Variants in SPINK5 observed in about 807,000 individuals in gnomAD.
The protein encoded by SPINK5 is serine peptidase inhibitor Kazal type 5.
In SPINK5, 125 loss-of-function variants were observed where a neutral mutation model predicts 151.8. The observed-to-expected ratio is 0.82, with a 90% CI of 0.71 to 0.96. The LOEUF is 0.96. Ranked by LOEUF, SPINK5 falls within the 40% of genes least tolerant of loss-of-function variation. SPINK5 has a pLI of 0.00. For missense variants in SPINK5, 1,194 were observed against 1,291.9 expected, an observed-to-expected ratio of 0.92 and a Z score of 1.16; for synonymous variants, 374 against 395.3, an observed-to-expected ratio of 0.95 and a Z score of 0.64.
chr5:148,065,545 T>TCACACA (rs3036741), intron 2 of SPINK5, 173 bp downstream of exon 2: 5 of 608,340 alleles, frequency 8.2e-6, no homozygotes, highest in African/African-American at 5.5e-5. Context: ...AGCCTCTCTC[T>TCACACA]CACACACACA....
In SPINK5 at chr5:148,103,328, G is replaced by A. The variant is rs115915040; in HGVS notation, c.1430+1420G>A. 5.5e-3 allele frequency among the ~76,000 whole-genome samples: 834 copies of A among 152,028 alleles called. 8 individuals carry two copies. Among genetic ancestry groups the A allele is most frequent in the African/African-American group, 0.019 (799 of 41,484 alleles). ...AAGGCCCAGAACAGTTGAGAATGAC[G>A]GAAAAGTCAGGACAGGATATGGGAC... On this transcript the variant is annotated intron_variant, in intron 15 of 32. Transcript: ENST00000256084.
intron 21 of SPINK5, among the ~76,000 whole-genome samples, chr5:148,114,786 T>G (rs1161458823): frequency 6.6e-6 from 1 of 152,238 alleles, no homozygotes; most frequent in African/African-American, 2.4e-5. Flanking sequence ...ATCCTTTCTC[T>G]GGATTATCTC....
chr5:148,133,964 A>G, intron 32 of SPINK5, 77 bp downstream of exon 32: 1 of 1,448,880 alleles, frequency 6.9e-7, no homozygotes. Flanking sequence ...TCTTCCACTG[A>G]GTAATGGACA....
At chr5:148,100,377 G>A in intron 12 of SPINK5, 77 bp from the exon 13 acceptor site, 2 of 1,442,754 alleles carry the variant, frequency 1.4e-6, no homozygotes, top group Non-Finnish European at 9.7e-7. Flanking sequence ...ATTAGTTTCT[G>A]CCAATGTAGA....
intron 27 of SPINK5, among the ~76,000 whole-genome samples, chr5:148,124,413 G>C (rs1236331009): frequency 6.6e-6 from 1 of 152,022 alleles, no homozygotes; most frequent in African/African-American, 2.4e-5. Context: ...TTGTGAGTTT[G>C]GTTATAATTT....
chr5:148,070,330 G>T lies in SPINK5; in HGVS notation c.89G>T (p.Cys30Phe). ...AASKNEDQEM[C>F]HEFQAFMKNG... ...TTTTTGGCATTATCTTAGGAAATGT[G>T]CCATGAATTTCAGGCATTTATGAAA... Residue 30 changes from cysteine to phenylalanine, a missense_variant, in exon 3 of 33, where the codon TGC (cysteine) becomes TTC (phenylalanine). Coordinates refer to ENST00000256084, the MANE Select transcript of SPINK5 (RefSeq NM_006846.4). The T allele has an allele frequency of 1.2e-6, 2 of 1,612,196 alleles. No homozygotes were observed. The highest frequency in any genetic ancestry group is 1.7e-6 in the Non-Finnish European group (2 of 1,178,968).
intron 4 of SPINK5, among the ~76,000 whole-genome samples, chr5:148,073,011 A>G (rs1017503430): frequency 2.0e-5 from 3 of 151,950 alleles, no homozygotes; most frequent in African/African-American, 7.2e-5. Flanking sequence ...AATTATAAAA[A>G]TAAAATTTAA....
intron 24 of SPINK5, 40 bp downstream of exon 24, chr5:148,119,098 G>A: frequency 6.3e-7 from 1 of 1,585,902 alleles, no homozygotes. Context: ...TCGTCTTTCT[G>A]TGAGTCAGCA....
intron 11 of SPINK5, among the ~76,000 whole-genome samples, chr5:148,098,851 T>C (rs182327452): frequency 1.3e-5 from 2 of 152,192 alleles, no homozygotes; most frequent in African/African-American, 4.8e-5. Flanking sequence ...CTTCTCTGAT[T>C]AACAAGGGGA....
chr5:148,086,935 TATG>T (rs1319466024), intron 5 of SPINK5, among the ~76,000 whole-genome samples: 12 of 121,954 alleles, frequency 9.8e-5, no homozygotes, highest in Non-Finnish European at 1.7e-4. Flanking sequence ...TTATAGATTA[TATG>T]ATTATCATAT....
At chr5:148,090,063 T>C (rs1447979715) in intron 7 of SPINK5, among the ~76,000 whole-genome samples, 2 of 151,836 alleles carry the variant, frequency 1.3e-5, no homozygotes, top group Non-Finnish European at 2.9e-5. Flanking sequence ...TGAATCTATT[T>C]ATTAGCTTAA....
intron 20 of SPINK5, 108 bp from the exon 21 acceptor site, chr5:148,114,254 A>G: frequency 7.7e-7 from 1 of 1,302,658 alleles, no homozygotes; most frequent in Non-Finnish European, 1.0e-6. Flanking sequence ...AAAAATTCTC[A>G]GGTCATTTTC....
At chr5:148,099,348 G>A (rs946693299) in intron 12 of SPINK5, 33 bp downstream of exon 12, 1 of 1,597,174 alleles carries the variant, frequency 6.3e-7, no homozygotes, top group Non-Finnish European at 8.6e-7. Context: ...ATCCTATTTG[G>A]TGCTATAATT....
intron 18 of SPINK5, 137 bp downstream of exon 18, chr5:148,108,974 A>G: frequency 7.0e-7 from 1 of 1,428,604 alleles, no homozygotes; most frequent in Non-Finnish European, 9.7e-7. Context: ...ATCCCCATAT[A>G]CAAGAGTACT....
intron 22 of SPINK5, 63 bp from the exon 23 acceptor site, chr5:148,118,374 C>A: frequency 6.2e-7 from 1 of 1,609,274 alleles, no homozygotes; most frequent in South Asian, 1.1e-5. Context: ...ACTGTTAAAA[C>A]AATTTACTAA....
chr5:148,109,476 C>T (rs2113149532), intron 18 of SPINK5, among the ~76,000 whole-genome samples: 1 of 150,080 alleles, frequency 6.7e-6, no homozygotes, highest in East Asian at 1.9e-4. Context: ...ACATATAATA[C>T]AATTATATAC....
At chr5:148,133,672 C>G in intron 31 of SPINK5, 125 bp from the exon 32 acceptor site, 1 of 852,874 alleles carries the variant, frequency 1.2e-6, no homozygotes, top group Non-Finnish European at 1.9e-6. Flanking sequence ...GAATGCAGAT[C>G]CCAGATCCTC....
In SPINK5 at chr5:148,112,721, G is replaced by C. The variant is rs180904190; in HGVS notation, c.1821-147G>C. On this transcript the variant is annotated intron_variant, in intron 19 of 32. Transcript: ENST00000256084. ...ACAAAAGGACAAGAACAATGATGTA[G>C]AGAGATGTGTGTTTACCTTTCCACT... 5.3e-4 allele frequency: 689 copies of C among 1,294,254 alleles called. 3 individuals are homozygous for C. The African/African-American group carries it at 9.0e-3, about 17-fold the overall frequency. 80.2% of individuals were successfully genotyped at this position (1,294,254 alleles called of 1,614,324 possible). A position where few individuals can be genotyped will look rare whatever the true frequency, so the allele number is the denominator to read the frequency against.
At chr5:148,121,143 C>CAAAAAAA (rs767012594) in intron 26 of SPINK5, among the ~76,000 whole-genome samples, 1 of 68,652 alleles carries the variant, frequency 1.5e-5, no homozygotes, top group Admixed American at 2.2e-4. Context: ...GACTCTGTCT[C>CAAAAAAA]AAAAAAAAAA....
Sources: allele counts gnomAD v4.1 joint callset (sites outside exome capture counted in the v4.1 genomes callset), GRCh38; gene constraint gnomAD v4.1.1; transcripts MANE v1.5; gene names NCBI Gene and HGNC (gene_info 2026-07-23, HGNC 2026-07-21).